The following MIPOL1 variants were observed in gnomAD, a reference collection of about 807,000 sequenced individuals.
MIPOL1 encodes the protein mirror-image polydactyly gene 1 protein.
Under a neutral mutation model 60.9 loss-of-function variants are expected in MIPOL1, and 57 were observed. The observed-to-expected ratio is 0.94, with a 90% confidence interval of 0.76 to 1.17. The LOEUF (loss-of-function observed/expected upper bound fraction) is 1.17, where lower values mean the gene tolerates loss of function less well. Among genes scored for constraint, MIPOL1 ranks in the 50% most tolerant of loss-of-function variants. The pLI, the probability that MIPOL1 is intolerant of heterozygous loss-of-function variation, is 0.00. For synonymous variants in MIPOL1, 179 were observed against 168.8 expected (o/e 1.06, Z -0.47); for missense variants, 551 against 511.6 (o/e 1.08, Z -0.74).
At chr14:37,305,395 T>A (rs1450250745) in intron 7 of MIPOL1, among the ~76,000 whole-genome samples, 1 of 151,832 alleles carries the variant, frequency 6.6e-6, no homozygotes, top group Non-Finnish European at 1.5e-5. Flanking sequence ...CTGCTACCTG[T>A]TTTGTAAATA....
chr14:37,308,051 T>C lies in MIPOL1; in HGVS notation c.624-5T>C. The C allele has an allele frequency of 6.2e-7, 1 of 1,609,960 alleles. No homozygotes were observed. The highest frequency in any genetic ancestry group is 8.5e-7 in the Non-Finnish European group (1 of 1,177,754). On this transcript the variant is annotated splice_region_variant and splice_polypyrimidine_tract_variant and intron_variant, in intron 7 of 12. Coordinates refer to ENST00000684589, the MANE Select transcript of MIPOL1 (RefSeq NM_001388067.1). ...GATCAGGCTTTCTGTGTCCCTTTTT[T>C]CTAGGCTAGAAAATATTAACCCTGA...
chr14:37,533,097 C>A (rs1232381521), intron 12 of MIPOL1, among the ~76,000 whole-genome samples: 2 of 151,966 alleles, frequency 1.3e-5, no homozygotes, highest in East Asian at 3.9e-4. Flanking sequence ...GATGAGTATG[C>A]ATCATAACAA....
intron 11 of MIPOL1, among the ~76,000 whole-genome samples, chr14:37,429,926 G>A: frequency 6.6e-6 from 1 of 152,074 alleles, no homozygotes; most frequent in East Asian, 1.9e-4. Context: ...AGTCACTGGT[G>A]ATTATAGCAT....
intron 1 of MIPOL1, among the ~76,000 whole-genome samples, chr14:37,226,753 A>G (rs1969815563): frequency 6.6e-6 from 1 of 152,118 alleles, no homozygotes; most frequent in Admixed American, 6.5e-5. Context: ...GCAGTGAGCC[A>G]TGGTTGCACT....
At chr14:37,322,028 A>T (rs887093344) in intron 9 of MIPOL1, among the ~76,000 whole-genome samples, 1 of 151,928 alleles carries the variant, frequency 6.6e-6, no homozygotes, top group African/African-American at 2.4e-5. Context: ...GCTAAACTTG[A>T]TTTATCACAT....
intron 12 of MIPOL1, among the ~76,000 whole-genome samples, chr14:37,516,001 G>C (rs1446555787): frequency 2.6e-5 from 4 of 152,152 alleles, no homozygotes. Context: ...TCATTGATGC[G>C]ATCTGAGGGG....
At chr14:37,453,822 C>A (rs926935617) in intron 11 of MIPOL1, among the ~76,000 whole-genome samples, 4 of 152,134 alleles carry the variant, frequency 2.6e-5, no homozygotes, top group African/African-American at 7.2e-5. Flanking sequence ...CAGATGCATT[C>A]TTTTATTTAT....
At chr14:37,469,455 C>G (rs1457661608) in intron 11 of MIPOL1, among the ~76,000 whole-genome samples, 2 of 152,152 alleles carry the variant, frequency 1.3e-5, no homozygotes, top group Non-Finnish European at 2.9e-5. Context: ...AATCACCTCC[C>G]ACCAGACCCC....
chr14:37,346,694 A>G (rs2090969943), intron 9 of MIPOL1, among the ~76,000 whole-genome samples: 1 of 152,144 alleles, frequency 6.6e-6, no homozygotes, highest in Admixed American at 6.6e-5. Flanking sequence ...ATTGATCCCA[A>G]GGGCTAGGAA....
chr14:37,457,468 A>G (rs999848715), intron 11 of MIPOL1, among the ~76,000 whole-genome samples: 19 of 152,194 alleles, frequency 1.2e-4, no homozygotes, highest in African/African-American at 4.6e-4. Flanking sequence ...ACTTGGCAGT[A>G]GTGAGATGAG....
chr14:37,465,933 T>A (rs1024453691), intron 11 of MIPOL1, among the ~76,000 whole-genome samples: 1 of 152,214 alleles, frequency 6.6e-6, no homozygotes, highest in Non-Finnish European at 1.5e-5. Context: ...CTTAGGATAT[T>A]TGTTTTATTT....
chr14:37,467,303 G>C (rs2094610851), intron 11 of MIPOL1, among the ~76,000 whole-genome samples: 1 of 152,050 alleles, frequency 6.6e-6, no homozygotes, highest in Admixed American at 6.5e-5. Flanking sequence ...ATAACAACTT[G>C]GTTTTCTTTT....
intron 11 of MIPOL1, among the ~76,000 whole-genome samples, chr14:37,476,337 A>G (rs1020779687): frequency 2.2e-4 from 33 of 151,830 alleles, no homozygotes; most frequent in African/African-American, 7.7e-4. Context: ...TTTTTTTTCA[A>G]TTTCATGGGA....
At chr14:37,465,194 G>T (rs943356675) in intron 11 of MIPOL1, among the ~76,000 whole-genome samples, 1 of 152,126 alleles carries the variant, frequency 6.6e-6, no homozygotes, top group African/African-American at 2.4e-5. Context: ...TTGATATACT[G>T]TGGTCAGCAA....
rs1973426386 is a variant in MIPOL1, at chr14:37,247,894, G to A, written c.6G>A (p.Glu2=). The A allele has an allele frequency of 6.2e-7, 1 of 1,613,212 alleles. No individual in the cohort carries two copies. Among genetic ancestry groups the A allele is most frequent in the Non-Finnish European group, 8.5e-7 (1 of 1,179,484 alleles). M[E]NWSKDITHSY... is the part of the protein sequence containing the mutation. ...AAACAAGAACAGAAATACAAATGGA[G>A]AACTGGTCAAAAGGTAAGGACTTTT... The change falls in exon 3 of 13, where the codon GAG becomes GAA. Residue 2 remains glutamate (E), a synonymous_variant. Coordinates refer to ENST00000684589, the MANE Select transcript of MIPOL1 (RefSeq NM_001388067.1).
chr14:37,372,389 G>A (rs539799178), intron 10 of MIPOL1, among the ~76,000 whole-genome samples: 14 of 151,970 alleles, frequency 9.2e-5, no homozygotes, highest in African/African-American at 2.2e-4. Context: ...ACTTTTTATG[G>A]TAGAGACTAA....
At chr14:37,477,387 A>G (rs899133357) in intron 11 of MIPOL1, among the ~76,000 whole-genome samples, 3 of 151,948 alleles carry the variant, frequency 2.0e-5, no homozygotes, top group Admixed American at 2.0e-4. Context: ...ATTTTATTGA[A>G]TCTGTTTAAT....
chr14:37,527,257 T>C (rs2095453729), intron 12 of MIPOL1, among the ~76,000 whole-genome samples: 2 of 152,074 alleles, frequency 1.3e-5, no homozygotes, highest in Admixed American at 1.3e-4. Context: ...TCTTTTACAG[T>C]GTCAGAATTG....
At chr14:37,467,144 G>T (rs2094608769) in intron 11 of MIPOL1, among the ~76,000 whole-genome samples, 1 of 152,118 alleles carries the variant, frequency 6.6e-6, no homozygotes, top group African/African-American at 2.4e-5. Context: ...AAGTGCTTTA[G>T]CTCTCAAAGA....
Sources: allele counts gnomAD v4.1 joint callset (sites outside exome capture counted in the v4.1 genomes callset), GRCh38; gene constraint gnomAD v4.1.1; transcripts MANE v1.5; gene names NCBI Gene and HGNC (gene_info 2026-07-23, HGNC 2026-07-21).